The following STRBP variants were observed in gnomAD, a reference collection of about 807,000 sequenced individuals.
The protein encoded by STRBP is spermatid perinuclear RNA binding protein, also known as spermatid perinuclear RNA-binding protein.
In STRBP, 13 loss-of-function variants were observed where a neutral mutation model predicts 80.1. The observed-to-expected ratio is 0.16, with a 90% CI of 0.11 to 0.26. The LOEUF is 0.26. STRBP is among the 10% of genes least tolerant of loss of function. The pLI, the probability that STRBP is intolerant of heterozygous loss-of-function variation, is 1.00. For synonymous variants in STRBP, 284 were observed against 291.2 expected, an observed-to-expected ratio of 0.98 and a Z score of 0.25; for missense variants, 485 against 815.2, an observed-to-expected ratio of 0.59 and a Z score of 4.93.
Position 123,147,014 on chromosome 9 carries a change from C to A in STRBP, c.1179G>T (p.Met393Ile). 1 of 1,613,930 alleles carries A rather than the reference C, an allele frequency of 6.2e-7. No homozygotes were observed. The highest frequency in any genetic ancestry group is 8.5e-7 in the Non-Finnish European group (1 of 1,179,924). Residue 393 changes from methionine to isoleucine, a missense_variant, in exon 13 of 19, where the codon ATG (methionine) becomes ATT (isoleucine). By Grantham distance (10) the Met-to-Ile change is conservative. Around this residue, in one of 3 missense-constraint regions of STRBP, gnomAD observed 377 missense variants for 616.1 expected, o/e 0.61. Coordinates refer to ENST00000348403, the MANE Select transcript of STRBP (RefSeq NM_018387.5). ...GCCCAGGCCTGATCTGATTTAGCCT[C>A]ATTAGTGCATTCATAAGGTCTATTG... ...SKAIDLMNAL[M>I]RLNQIRPGLQ...
intron 12 of STRBP, 139 bp from the exon 13 acceptor site, chr9:123,147,193 ATAAG>A: frequency 1.8e-6 from 1 of 561,080 alleles, no homozygotes; most frequent in South Asian, 3.1e-5. Context: ...GATTAACCTC[ATAAG>A]TAATTCTAAA....
chr9:123,226,761 A>C (rs2040248560), intron 2 of STRBP, among the ~76,000 whole-genome samples: 1 of 141,088 alleles, frequency 7.1e-6, no homozygotes, highest in South Asian at 2.5e-4. Flanking sequence ...GGTGTTGGGG[A>C]GTGAGGGGGT....
intron 3 of STRBP, chr9:123,114,992 C>T (rs1291458475): frequency 2.8e-6 from 1 of 359,886 alleles, no homozygotes; most frequent in African/African-American, 2.1e-5. Flanking sequence ...GCTCATCAGC[C>T]TTGCCTCCTG....
chr9:123,158,195 A>C, intron 10 of STRBP, 72 bp from the exon 11 acceptor site: 1 of 1,489,764 alleles, frequency 6.7e-7, no homozygotes, highest in African/African-American at 1.4e-5. Flanking sequence ...ATCTAGCTAA[A>C]AAGACACTCA....
intron 4 of STRBP, among the ~76,000 whole-genome samples, chr9:123,178,063 T>TA (rs1231226487): frequency 1.3e-5 from 2 of 152,162 alleles, no homozygotes; most frequent in Non-Finnish European, 2.9e-5. Context: ...GTAAATAGTT[T>TA]AAAAAAATTG....
intron 13 of STRBP, among the ~76,000 whole-genome samples, chr9:123,144,205 A>G (rs927182921): frequency 4.6e-5 from 7 of 151,822 alleles, no homozygotes; most frequent in African/African-American, 1.7e-4. Flanking sequence ...CTCAAAAAAA[A>G]AAAAAAAAAG....
intron 1 of STRBP, among the ~76,000 whole-genome samples, chr9:123,261,039 A>G (rs779881487): frequency 3.2e-4 from 49 of 152,252 alleles, no homozygotes; most frequent in Admixed American, 4.6e-4. Context: ...TTCAGACTTA[A>G]GGAGAGAGAT....
chr9:123,260,116 T>C (rs946855493), intron 1 of STRBP, among the ~76,000 whole-genome samples: 1 of 152,132 alleles, frequency 6.6e-6, no homozygotes, highest in Non-Finnish European at 1.5e-5. Flanking sequence ...GAAATGGTTG[T>C]TTAAAAAAAA....
intron 2 of STRBP, among the ~76,000 whole-genome samples, chr9:123,201,209 TG>T (rs2039314644): frequency 6.6e-6 from 1 of 152,158 alleles, no homozygotes; most frequent in Non-Finnish European, 1.5e-5. Flanking sequence ...TTTTTTTGTG[TG>T]TGTTTGAATT....
Position 123,122,255 on chromosome 9 carries a change from T to A in STRBP, c.*3342A>T. 1 of 1,129,104 alleles carries A rather than the reference T, an allele frequency of 8.9e-7. No homozygotes were observed. The highest frequency in any genetic ancestry group is 1.2e-6 in the Non-Finnish European group (1 of 843,714). 69.9% of individuals were successfully genotyped at this position (1,129,104 alleles called of 1,614,324 possible). A position where few individuals can be genotyped will look rare whatever the true frequency, so the allele number is the denominator to read the frequency against. On this transcript the variant is annotated 3_prime_UTR_variant, in exon 19 of 19. Transcript: ENST00000348403. ...CTCAGCCTATTTTATACAAGTGATA[T>A]GGCTACGAAGGTCCGAGGAGAACGA... is the stretch of plus-strand genomic sequence containing the variant.
At chr9:123,221,044 T>C (rs2040051576) in intron 2 of STRBP, among the ~76,000 whole-genome samples, 1 of 152,006 alleles carries the variant, frequency 6.6e-6, no homozygotes, top group Non-Finnish European at 1.5e-5. Context: ...GTGGAAAGAA[T>C]AATTAGAGAA....
intron 2 of STRBP, among the ~76,000 whole-genome samples, chr9:123,224,958 CTA>C (rs2040188304): frequency 6.6e-6 from 1 of 152,138 alleles, no homozygotes; most frequent in Admixed American, 6.5e-5. Flanking sequence ...TGGAAATAGC[CTA>C]TGTGTCCATC....
At chr9:123,154,823 A>T (rs991001388) in intron 11 of STRBP, among the ~76,000 whole-genome samples, 2 of 152,214 alleles carry the variant, frequency 1.3e-5, no homozygotes, top group African/African-American at 2.4e-5. Context: ...AAAAGAGAAA[A>T]GGGCTGCTCT....
At chr9:123,261,196 A>T (rs1303295980) in intron 1 of STRBP, among the ~76,000 whole-genome samples, 1 of 152,224 alleles carries the variant, frequency 6.6e-6, no homozygotes, top group Non-Finnish European at 1.5e-5. Context: ...CAGATTCATT[A>T]CTATCTCATA....
At chr9:123,232,094 T>C (rs140109085) in intron 2 of STRBP, among the ~76,000 whole-genome samples, 1 of 152,238 alleles carries the variant, frequency 6.6e-6, no homozygotes, top group East Asian at 1.9e-4. Context: ...GGTGGATCAC[T>C]TGAGGTCGGG....
At chr9:123,247,014 C>T (rs1183664101) in intron 1 of STRBP, among the ~76,000 whole-genome samples, 1 of 151,896 alleles carries the variant, frequency 6.6e-6, no homozygotes, top group Non-Finnish European at 1.5e-5. Context: ...TACTATTTTA[C>T]CAAAATGTCA....
chr9:123,155,877 T>A (rs913641320), intron 11 of STRBP, among the ~76,000 whole-genome samples: 2 of 149,470 alleles, frequency 1.3e-5, no homozygotes, highest in Admixed American at 6.7e-5. Context: ...TAAACGTGAA[T>A]GTCAGGAAGC....
At chr9:123,202,068 C>T (rs1396162639) in intron 2 of STRBP, among the ~76,000 whole-genome samples, 2 of 152,086 alleles carry the variant, frequency 1.3e-5, no homozygotes, top group Non-Finnish European at 2.9e-5. Context: ...TTTTGGTTTC[C>T]ATTTATGTAG....
chr9:123,231,767 G>A (rs181433456), intron 2 of STRBP, among the ~76,000 whole-genome samples: 135 of 152,212 alleles, frequency 8.9e-4, no homozygotes, highest in African/African-American at 3.0e-3. Context: ...GATCTCTTAA[G>A]GAAATAAATC....
Sources: gnomAD v4.1 joint callset for allele counts (sites outside exome capture counted in the v4.1 genomes callset) on GRCh38, gnomAD v4.1.1 for gene constraint, gnomAD v4.1.1 regional missense constraint, MANE v1.5 for transcripts, NCBI Gene and HGNC (gene_info 2026-07-23, HGNC 2026-07-21) for gene names.